DNAJC6: variants seen among roughly 807,000 people sequenced by gnomAD.
The protein encoded by DNAJC6 is auxilin.
DNAJC6 carries 34 observed loss-of-function variants against 110.0 expected under a neutral mutation model. The ratio of observed to expected loss-of-function variants is 0.31; its 90% confidence interval spans 0.24 to 0.41. The LOEUF is 0.41. DNAJC6 is among the 10% of genes least tolerant of loss of function. DNAJC6 has a pLI of 1.00. For missense variants in DNAJC6, 1,031 were observed against 1,207.8 expected (o/e 0.85, Z 2.17); for synonymous variants, 406 against 437.2 (o/e 0.93, Z 0.89).
In DNAJC6 at chr1:65,413,003, A is replaced by C; in HGVS notation, c.2891A>C (p.Gln964Pro). 1 of 1,614,116 alleles carries C rather than the reference A, an allele frequency of 6.2e-7. No individual in the cohort carries two copies. Among genetic ancestry groups the C allele is most frequent in the Non-Finnish European group, 8.5e-7 (1 of 1,179,980 alleles). ...GATGCCTGGTCTGAATTTGAAAACC[A>C]AGGCCAAAAGCCCTTATATTAATTT... ...LNDAWSEFEN[Q>P]GQKPLY The change falls in exon 19 of 19, where the codon CAA (glutamine) becomes CCA (proline). Residue 964 changes from glutamine (Q) to proline (P), a missense_variant. Coordinates refer to ENST00000371069, the MANE Select transcript of DNAJC6 (RefSeq NM_001256864.2).
intron 15 of DNAJC6, among the ~76,000 whole-genome samples, chr1:65,405,360 C>A (rs1009984909): frequency 6.6e-6 from 1 of 152,188 alleles, no homozygotes; most frequent in African/African-American, 2.4e-5. Context: ...ACTAACCATG[C>A]TTTATAACAA....
chr1:65,378,592 G>A (rs941791163), intron 4 of DNAJC6, among the ~76,000 whole-genome samples: 1 of 152,168 alleles, frequency 6.6e-6, no homozygotes, highest in African/African-American at 2.4e-5. Context: ...TTCTTAGCTA[G>A]ATTAGTAAGT....
chr1:65,305,675 C>T (rs1316252696), upstream of DNAJC6, among the ~76,000 whole-genome samples: 1 of 152,054 alleles, frequency 6.6e-6, no homozygotes, highest in African/African-American at 2.4e-5. Context: ...TCAAAGAGTC[C>T]AAATCCAATA....
In DNAJC6 at chr1:65,385,727, G is replaced by A; in HGVS notation, c.816G>A (p.Met272Ile). Residue 272 changes from methionine to isoleucine, a missense_variant, in exon 7 of 19, where the codon ATG (methionine) becomes ATA (isoleucine). Coordinates refer to ENST00000371069, the MANE Select transcript of DNAJC6 (RefSeq NM_001256864.2). ...TCTGTTTCAGATACCTGGGCTATAT[G>A]TGTGACCTACTGGCAGACAAGCCCT... Reference protein sequence around the residue: ...SPSHRRYLGYMCDLLADKPYR... With the variant: ...SPSHRRYLGYICDLLADKPYR... 2 of 1,610,680 alleles carry A rather than the reference G, an allele frequency of 1.2e-6. No homozygotes were observed. Among genetic ancestry groups the A allele is most frequent in the Non-Finnish European group, 1.7e-6 (2 of 1,177,488 alleles).
intron 1 of DNAJC6, among the ~76,000 whole-genome samples, chr1:65,329,897 C>T (rs1645272503): frequency 1.3e-5 from 2 of 152,154 alleles, no homozygotes; most frequent in South Asian, 4.2e-4. Context: ...TCTCTCAGTT[C>T]TGTATCTAGG....
intron 4 of DNAJC6, among the ~76,000 whole-genome samples, chr1:65,373,297 A>G (rs1645725659): frequency 6.6e-6 from 1 of 152,044 alleles, no homozygotes; most frequent in Admixed American, 6.6e-5. Context: ...CGATATATTG[A>G]TTTCCTTTCT....
At chr1:65,378,373 G>C (rs1241656301) in intron 4 of DNAJC6, among the ~76,000 whole-genome samples, 1 of 152,076 alleles carries the variant, frequency 6.6e-6, no homozygotes, top group Non-Finnish European at 1.5e-5. Flanking sequence ...CTGACTGCAG[G>C]GCTTTGCACT....
intron 11 of DNAJC6, among the ~76,000 whole-genome samples, chr1:65,390,319 G>A (rs889703141): frequency 8.5e-5 from 13 of 152,148 alleles, no homozygotes; most frequent in Non-Finnish European, 1.5e-4. Flanking sequence ...TCCCCCCAGG[G>A]AGCCTTAACC....
At chr1:65,380,000 G>A (rs1374846154) in intron 5 of DNAJC6, among the ~76,000 whole-genome samples, 2 of 152,116 alleles carry the variant, frequency 1.3e-5, no homozygotes, top group African/African-American at 4.8e-5. Flanking sequence ...TCTGACCATT[G>A]ACTTCCTAGA....
chr1:65,318,933 G>T (rs1645172200), intron 1 of DNAJC6, among the ~76,000 whole-genome samples: 1 of 152,210 alleles, frequency 6.6e-6, no homozygotes, highest in African/African-American at 2.4e-5. Context: ...GGAGGAAGGG[G>T]AGGGGTGTGT....
chr1:65,294,738 T>C (rs547397864), intron 1 of DNAJC6, among the ~76,000 whole-genome samples: 13 of 152,232 alleles, frequency 8.5e-5, no homozygotes, highest in Non-Finnish European at 1.9e-4. Flanking sequence ...TTGTTTATTT[T>C]TTAAATTCAC....
At chr1:65,381,776 G>A (rs1645824710) in intron 5 of DNAJC6, among the ~76,000 whole-genome samples, 1 of 152,062 alleles carries the variant, frequency 6.6e-6, no homozygotes, top group East Asian at 1.9e-4. Flanking sequence ...ATTTCTTGAA[G>A]CATGTGGTAT....
intron 1 of DNAJC6, among the ~76,000 whole-genome samples, chr1:65,328,531 CAT>C (rs955001992): frequency 3.2e-4 from 48 of 152,302 alleles, no homozygotes; most frequent in Non-Finnish European, 6.2e-4. Flanking sequence ...CATGTGTACT[CAT>C]GTGTGTATGT....
intron 7 of DNAJC6, 51 bp downstream of exon 7, chr1:65,385,957 A>C: frequency 7.1e-7 from 1 of 1,415,270 alleles, no homozygotes; most frequent in Non-Finnish European, 9.6e-7. Flanking sequence ...TTCTCATGTA[A>C]ATGAGCAGGA....
At chr1:65,401,952 G>T in intron 15 of DNAJC6, 72 bp downstream of exon 15, 1 of 1,585,106 alleles carries the variant, frequency 6.3e-7, no homozygotes, top group Non-Finnish European at 8.6e-7. Flanking sequence ...TCAGTCTTTG[G>T]TGTTACAGCA....
At chr1:65,359,072 CTTT>C (rs764112335) in intron 1 of DNAJC6, among the ~76,000 whole-genome samples, 1 of 152,184 alleles carries the variant, frequency 6.6e-6, no homozygotes, top group Non-Finnish European at 1.5e-5. Flanking sequence ...AGCAGCCACA[CTTT>C]TTTATATTTT....
At chr1:65,287,950 A>C (rs961839175) in intron 1 of DNAJC6, among the ~76,000 whole-genome samples, 1 of 152,212 alleles carries the variant, frequency 6.6e-6, no homozygotes, top group Non-Finnish European at 1.5e-5. Context: ...AGTGCTGGGA[A>C]GAACACTGGG....
intron 1 of DNAJC6, among the ~76,000 whole-genome samples, chr1:65,347,713 A>C (rs2101506789): frequency 6.6e-6 from 1 of 152,128 alleles, no homozygotes; most frequent in African/African-American, 2.4e-5. Context: ...TCAACACTGC[A>C]ATCACACACA....
At chr1:65,276,443 A>G (rs150514600) in intron 1 of DNAJC6, among the ~76,000 whole-genome samples, 14 of 152,248 alleles carry the variant, frequency 9.2e-5, no homozygotes, top group African/African-American at 3.4e-4. Flanking sequence ...ACTCTTTGTC[A>G]GAAGTAGAAC....
Sources: gnomAD v4.1 joint callset for allele counts (sites outside exome capture counted in the v4.1 genomes callset) on GRCh38, gnomAD v4.1.1 for gene constraint, MANE v1.5 for transcripts, NCBI Gene and HGNC (gene_info 2026-07-23, HGNC 2026-07-21) for gene names.